Variants in RIMS1 observed in about 807,000 individuals in gnomAD.
The protein encoded by RIMS1 is regulating synaptic membrane exocytosis 1.
A neutral mutation model predicts 214.1 loss-of-function variants in RIMS1; 83 were observed. The ratio of observed to expected loss-of-function variants is 0.39; its 90% CI spans 0.32 to 0.47. RIMS1 has a LOEUF of 0.47. Ranked by LOEUF, RIMS1 falls within the 20% of genes least tolerant of loss-of-function variation. The pLI is 0.99. For synonymous variants in RIMS1, 793 were observed against 786.8 expected (o/e 1.01, Z -0.13); for missense variants, 2,050 against 2,161.8 (o/e 0.95, Z 1.03).
chr6:72,357,674 T>C (rs939919274), intron 29 of RIMS1, among the ~76,000 whole-genome samples: 1 of 152,194 alleles, frequency 6.6e-6, no homozygotes, highest in African/African-American at 2.4e-5. Flanking sequence ...TGTAACTTGT[T>C]TTTCACAACA....
At chr6:72,038,101 AAAAAAAAAAAAAAAAAAATATAT>A (rs1362547075) in intron 2 of RIMS1, among the ~76,000 whole-genome samples, 1 of 70,696 alleles carries the variant, frequency 1.4e-5, no homozygotes, top group African/African-American at 6.5e-5. Context: ...AAAAAAAAAA[AAAAAAAAAAAAAAAAAAATATAT>A]ATATATATAT....
At chr6:72,065,552 G>T (rs1829075415) in intron 2 of RIMS1, among the ~76,000 whole-genome samples, 1 of 152,030 alleles carries the variant, frequency 6.6e-6, no homozygotes, top group African/African-American at 2.4e-5. Context: ...GGAATTCTAA[G>T]TACATGTAAA....
At chr6:72,190,309 C>A (rs999971126) in intron 6 of RIMS1, among the ~76,000 whole-genome samples, 2 of 151,846 alleles carry the variant, frequency 1.3e-5, no homozygotes, top group Non-Finnish European at 2.9e-5. Flanking sequence ...ACTAAAAATA[C>A]AAAATTAGCC....
chr6:72,390,376 A>C (rs934270832), intron 29 of RIMS1, among the ~76,000 whole-genome samples: 1 of 152,214 alleles, frequency 6.6e-6, no homozygotes, highest in Non-Finnish European at 1.5e-5. Flanking sequence ...TTAGGCAGTC[A>C]CTGAAACTGT....
intron 2 of RIMS1, among the ~76,000 whole-genome samples, chr6:72,038,090 CAAAAAAAAAAAAAAA>C (rs869130217): frequency 4.5e-5 from 1 of 22,242 alleles, no homozygotes; most frequent in Non-Finnish European, 8.0e-5. Context: ...AACAAACAAG[CAAAAAAAAAAAAAAA>C]AAAAAAAAAA....
chr6:72,336,251 G>T (rs1432219803), intron 29 of RIMS1, among the ~76,000 whole-genome samples: 1 of 151,544 alleles, frequency 6.6e-6, no homozygotes, highest in Non-Finnish European at 1.5e-5. Context: ...TTCATTACTT[G>T]AGCATAGTTT....
At chr6:72,372,466 A>G (rs1488322511) in intron 29 of RIMS1, among the ~76,000 whole-genome samples, 1 of 152,232 alleles carries the variant, frequency 6.6e-6, no homozygotes, top group Non-Finnish European at 1.5e-5. Flanking sequence ...AAAATCTACA[A>G]AAATGCTCTT....
intron 4 of RIMS1, 74 bp downstream of exon 4, chr6:72,100,060 T>C: frequency 8.8e-7 from 1 of 1,140,074 alleles, no homozygotes; most frequent in Non-Finnish European, 1.3e-6. Flanking sequence ...ATGTTGCACC[T>C]AGTATTGTTA....
rs2090692451 is a variant in RIMS1 at position 72,400,777 on chromosome 6, T to C, written c.*63T>C. The C allele has an allele frequency of 7.7e-7, 1 of 1,300,270 alleles. No individual in the cohort carries two copies. Among genetic ancestry groups the C allele is most frequent in the Non-Finnish European group, 1.1e-6 (1 of 923,488 alleles). The allele number at this position is 1,300,270 out of a possible 1,614,324, so 80.5% of individuals were successfully genotyped here. ...TTTCAGGATAATAATCTGAACCAGA[T>C]ATTTCATGATCGAAAGCATTGTTGG... On this transcript the variant is annotated 3_prime_UTR_variant, in exon 34 of 34. Coordinates refer to ENST00000521978, the MANE Select transcript of RIMS1 (RefSeq NM_014989.7).
intron 1 of RIMS1, among the ~76,000 whole-genome samples, chr6:71,917,641 C>G (rs1175561614): frequency 6.6e-6 from 1 of 152,110 alleles, no homozygotes; most frequent in Non-Finnish European, 1.5e-5. Context: ...GAGGCTGAAT[C>G]AGGGGAGTGA....
At chr6:71,916,772 C>G (rs1021908907) in intron 1 of RIMS1, among the ~76,000 whole-genome samples, 1 of 151,990 alleles carries the variant, frequency 6.6e-6, no homozygotes, top group Non-Finnish European at 1.5e-5. Context: ...ACACTGAGCT[C>G]GTTTATTCTA....
chr6:72,071,311 G>A (rs1221282055), intron 2 of RIMS1, among the ~76,000 whole-genome samples: 2 of 152,072 alleles, frequency 1.3e-5, no homozygotes, highest in East Asian at 1.9e-4. Flanking sequence ...TGAGGTGGGA[G>A]GATAACTTGA....
chr6:72,245,845 C>G lies in RIMS1; in HGVS notation c.2112C>G (p.His704Gln). The G allele has an allele frequency of 6.2e-7, 1 of 1,607,280 alleles. No homozygotes were observed. The highest frequency in any genetic ancestry group is 8.5e-7 in the Non-Finnish European group (1 of 1,173,926). ...TTCCCCGGATTCCTGAGAGCTCCCACCCTCCACTGGAGTCCAGTGAGTATA... is the reference window on the plus strand; with the variant it reads ...TTCCCCGGATTCCTGAGAGCTCCCAGCCTCCACTGGAGTCCAGTGAGTATA... ...GDIPRIPESS[H>Q]PPLESSSSSF... The change falls in exon 11 of 34, where the codon CAC becomes CAG. Residue 704 changes from histidine (H) to glutamine (Q), a missense_variant. Around this residue, in one of 6 missense-constraint regions of RIMS1, gnomAD observed 111 missense variants for 166.2 expected, o/e 0.67. Coordinates refer to ENST00000521978, the MANE Select transcript of RIMS1 (RefSeq NM_014989.7).
At chr6:72,126,708 A>T (rs1193334608) in intron 4 of RIMS1, 1 of 293,092 alleles carries the variant, frequency 3.4e-6, no homozygotes, top group Non-Finnish European at 6.8e-6. Flanking sequence ...AGGAAAATGT[A>T]AATTAAAACA....
intron 1 of RIMS1, among the ~76,000 whole-genome samples, chr6:71,913,638 G>A (rs1238855537): frequency 6.6e-6 from 1 of 152,100 alleles, no homozygotes; most frequent in African/African-American, 2.4e-5. Context: ...CCTTTAAGGA[G>A]TAAAGCAGGA....
At chr6:72,111,244 T>G (rs183955847) in intron 4 of RIMS1, among the ~76,000 whole-genome samples, 18 of 152,314 alleles carry the variant, frequency 1.2e-4, no homozygotes, top group Non-Finnish European at 5.9e-5. Context: ...CTCTCCTTTC[T>G]ATTATCCAAT....
At chr6:72,147,872 C>A (rs1486145085) in intron 4 of RIMS1, among the ~76,000 whole-genome samples, 2 of 152,122 alleles carry the variant, frequency 1.3e-5, no homozygotes, top group Non-Finnish European at 2.9e-5. Context: ...ACCATTCCTG[C>A]AACTATTTTG....
chr6:72,391,947 C>T (rs933902569), intron 30 of RIMS1, among the ~76,000 whole-genome samples: 1 of 152,194 alleles, frequency 6.6e-6, no homozygotes, highest in African/African-American at 2.4e-5. Flanking sequence ...GGATTATAAT[C>T]TGTGTCCCAT....
chr6:72,309,778 G>A (rs1362991053), intron 27 of RIMS1, among the ~76,000 whole-genome samples: 2 of 151,836 alleles, frequency 1.3e-5, no homozygotes, highest in Admixed American at 6.6e-5. Flanking sequence ...TAAGAATATA[G>A]GATAGGAAAT....
Sources: allele counts gnomAD v4.1 joint callset (sites outside exome capture counted in the v4.1 genomes callset), GRCh38; gene constraint gnomAD v4.1.1; regional missense constraint gnomAD v4.1.1; transcripts MANE v1.5; gene names NCBI Gene and HGNC (gene_info 2026-07-23, HGNC 2026-07-21).